PTPRF: variants seen among roughly 807,000 people sequenced by gnomAD.
PTPRF encodes the protein protein tyrosine phosphatase receptor type F.
Under a neutral mutation model 201.8 loss-of-function variants are expected in PTPRF, and 59 were observed. The ratio of observed to expected loss-of-function variants is 0.29; its 90% confidence interval spans 0.24 to 0.36. The LOEUF (loss-of-function observed/expected upper bound fraction) is 0.36. Ranked by LOEUF, PTPRF falls within the 10% of genes least tolerant of loss-of-function variation. The pLI, the probability that PTPRF is intolerant of heterozygous loss-of-function variation, is 1.00. For missense variants in PTPRF, 2,132 were observed against 2,690.5 expected (o/e 0.79, Z 4.59); for synonymous variants, 1,088 against 1,089.7 (o/e 1.00, Z 0.03).
chr1:43,567,065 A>G (rs1232145206), intron 5 of PTPRF, among the ~76,000 whole-genome samples: 1 of 152,062 alleles, frequency 6.6e-6, no homozygotes, highest in Non-Finnish European at 1.5e-5. Context: ...GCGGGTGGAG[A>G]TGAAGGCCAC....
In PTPRF at chr1:43,620,104, G is replaced by A. The variant is rs1355270100; in HGVS notation, c.5121G>A (p.Lys1707=). ...ASFLDGYRQQ[K]AYIATQGPLA... ...CTTATGTCCACCCCAGACAGCAGAA[G>A]GCCTACATAGCTACACAGGGGCCTC... Residue 1707 remains lysine (K), a synonymous_variant, in exon 30 of 34, where the codon AAG becomes AAA. Transcript: ENST00000359947. 1 of 1,614,080 alleles carries A rather than the reference G, an allele frequency of 6.2e-7. No homozygotes were observed. The highest frequency in any genetic ancestry group is 1.1e-5 in the South Asian group (1 of 91,084).
rs1187809331 is a variant in PTPRF at position 43,588,071 on chromosome 1, C to G, written c.680-660C>G. 6.6e-6 allele frequency among the ~76,000 whole-genome samples: 1 copy of G among 152,220 alleles called. No homozygotes were observed. Among genetic ancestry groups the G allele is most frequent in the African/African-American group, 2.4e-5 (1 of 41,446 alleles). On this transcript the variant is annotated intron_variant, in intron 7 of 33. Transcript: ENST00000359947. This position sits in a 1 kb window ranked among gnomAD's most constrained non-coding sequence, Gnocchi z 5.3. Reference sequence around the variant, plus strand: ...TCCTGCCCGCAGACCATGTCCCTGGCCTGCCCTGACCCCTGCCCCTCCCCA... The same window carrying G: ...TCCTGCCCGCAGACCATGTCCCTGGGCTGCCCTGACCCCTGCCCCTCCCCA...
Position 43,597,740 on chromosome 1 carries a change from T to A in PTPRF, c.1814-8T>A. On this transcript the variant is annotated splice_region_variant and splice_polypyrimidine_tract_variant and intron_variant, in intron 11 of 33. Coordinates refer to ENST00000359947, the MANE Select transcript of PTPRF (RefSeq NM_002840.5). ...TCTGCTTGCTTCCCCCCCATTTGTC[T>A]TCCCCAGCCCCCTCCGCCCCTCCCC... 7 of 1,447,642 alleles carry A rather than the reference T, an allele frequency of 4.8e-6. No individual in the cohort carries two copies. Among genetic ancestry groups the A allele is most frequent in the Non-Finnish European group, 5.7e-6 (6 of 1,051,774 alleles). 89.7% of individuals were successfully genotyped at this position (1,447,642 alleles called of 1,614,324 possible). A position where few individuals can be genotyped will look rare whatever the true frequency, so the allele number is the denominator to read the frequency against.
chr1:43,570,460 C>G (rs1451226479), intron 6 of PTPRF, among the ~76,000 whole-genome samples: 1 of 152,406 alleles, frequency 6.6e-6, no homozygotes, highest in African/African-American at 2.4e-5. Flanking sequence ...GCATCTGCTG[C>G]CAGCACGGCC....
upstream of PTPRF, among the ~76,000 whole-genome samples, chr1:43,529,185 A>G (rs1044733317): frequency 6.6e-6 from 1 of 152,228 alleles, no homozygotes; most frequent in African/African-American, 2.4e-5. Flanking sequence ...GTGGTGCACC[A>G]AAATTACCAA....
chr1:43,616,885 A>G (rs1327545223), intron 23 of PTPRF, among the ~76,000 whole-genome samples: 1 of 152,128 alleles, frequency 6.6e-6, no homozygotes, highest in Non-Finnish European at 1.5e-5. Context: ...AAGAGGGCCT[A>G]GAAGGAACCC....
intron 5 of PTPRF, among the ~76,000 whole-genome samples, chr1:43,562,454 G>A (rs1166386902): frequency 6.6e-6 from 1 of 152,024 alleles, no homozygotes; most frequent in African/African-American, 2.4e-5. Context: ...CACCCAGGCT[G>A]GAGTGCAGTG....
Position 43,606,999 on chromosome 1 carries a change from G to A in PTPRF, c.3857+31G>A, listed in dbSNP as rs767474908. 3 of 1,608,482 alleles carry A rather than the reference G, an allele frequency of 1.9e-6. No homozygotes were observed. In the South Asian group the frequency reaches 3.3e-5, roughly 18 times the overall value. Reference sequence around the variant, plus strand: ...CACTGCCCTCAGAGCTCCGGGAACGGCCACCTGCCCCTCGCCTTTCAGGCC... The same window carrying A: ...CACTGCCCTCAGAGCTCCGGGAACGACCACCTGCCCCTCGCCTTTCAGGCC... On this transcript the variant is annotated intron_variant, in intron 21 of 33. Transcript: ENST00000359947.
chr1:43,618,758 T>C lies in PTPRF; in HGVS notation c.4491+9T>C, dbSNP rs1658470514. ...CCTTCGCACTCCACAAGGTATAGCC[T>C]TTCCCCAGTGCATATCTCTTACCCA... is the stretch of plus-strand genomic sequence containing the variant. On this transcript the variant is annotated intron_variant, in intron 26 of 33. Coordinates refer to ENST00000359947, the MANE Select transcript of PTPRF (RefSeq NM_002840.5). The C allele has an allele frequency of 2.5e-6, 4 of 1,593,682 alleles. No individual in the cohort carries two copies. The highest frequency in any genetic ancestry group is 2.6e-6 in the Non-Finnish European group (3 of 1,163,374).
intron 22 of PTPRF, among the ~76,000 whole-genome samples, chr1:43,609,704 G>A (rs1655987008): frequency 6.6e-6 from 1 of 152,234 alleles, no homozygotes; most frequent in Admixed American, 6.5e-5. Context: ...CTGGACAGGT[G>A]CCCCAGGCCA....
chr1:43,559,712 C>A (rs184896034), intron 5 of PTPRF, among the ~76,000 whole-genome samples: 1 of 140,144 alleles, frequency 7.1e-6, no homozygotes, highest in Non-Finnish European at 1.5e-5. Flanking sequence ...AGGTGGTGTG[C>A]GGCAGGCTGT....
chr1:43,538,423 G>A (rs751586862), intron 2 of PTPRF, 146 bp downstream of exon 2: 1 of 396,944 alleles, frequency 2.5e-6, no homozygotes, highest in African/African-American at 2.1e-5. Context: ...GTGTGCACTG[G>A]TGAGAGATTG....
chr1:43,549,768 T>C lies in PTPRF; in HGVS notation c.92-3724T>C, dbSNP rs781766361. Among the ~76,000 whole-genome samples, 57 of 151,820 alleles carry C rather than the reference T, an allele frequency of 3.8e-4. 1 individual carries two copies. The highest frequency in any genetic ancestry group is 2.9e-5 in the Non-Finnish European group (2 of 67,950). ...TACTCGGGAGGCTGAGGTGGGAGGA[T>C]TGCTTGAGCCTAGGAGGTGGAGGCG... On this transcript the variant is annotated intron_variant, in intron 3 of 33. Transcript: ENST00000359947.
chr1:43,532,500 G>T (rs1643677925), intron 1 of PTPRF: 1 of 156,640 alleles, frequency 6.4e-6, no homozygotes, highest in African/African-American at 2.4e-5. Flanking sequence ...GGCCTGAGAA[G>T]CAGGGAAGTG....
intron 22 of PTPRF, among the ~76,000 whole-genome samples, chr1:43,610,065 T>C (rs1570631274): frequency 2.0e-5 from 3 of 152,104 alleles, no homozygotes; most frequent in African/African-American, 7.2e-5. Flanking sequence ...AGCTCAGACC[T>C]CTCCTCTTGC....
intron 6 of PTPRF, 109 bp from the exon 7 acceptor site, chr1:43,578,701 C>T (rs532883685): frequency 2.5e-6 from 2 of 816,166 alleles, no homozygotes; most frequent in African/African-American, 1.7e-5. Flanking sequence ...CCTGGATGAG[C>T]TTCGACATCT....
intron 16 of PTPRF, 83 bp downstream of exon 16, chr1:43,604,272 C>T (rs554886051): frequency 5.3e-5 from 74 of 1,399,860 alleles, no homozygotes; most frequent in South Asian, 2.6e-4. Context: ...TGACCTCTGG[C>T]GACTGTGATC....
chr1:43,529,750 T>TCA (rs554644763), upstream of PTPRF, among the ~76,000 whole-genome samples: 156 of 152,254 alleles, frequency 1.0e-3, no homozygotes, highest in African/African-American at 3.7e-3. Context: ...GGATTGAAGC[T>TCA]CATCAAATCC....
At chr1:43,552,137 C>T (rs1197419322) in intron 3 of PTPRF, among the ~76,000 whole-genome samples, 1 of 152,186 alleles carries the variant, frequency 6.6e-6, no homozygotes, top group Non-Finnish European at 1.5e-5. Context: ...TCACAAACCT[C>T]CCTTCCCGCC....
Sources: gnomAD v4.1 joint callset for allele counts (sites outside exome capture counted in the v4.1 genomes callset) on GRCh38, gnomAD v4.1.1 for gene constraint, Gnocchi (gnomAD v3.1) non-coding constraint, MANE v1.5 for transcripts, NCBI Gene and HGNC (gene_info 2026-07-23, HGNC 2026-07-21) for gene names.